PCDHA5: variants seen among roughly 807,000 people sequenced by gnomAD.
PCDHA5 encodes protocadherin alpha 5.
Under a neutral mutation model 61.6 loss-of-function variants are expected in PCDHA5, and 43 were observed. The ratio of observed to expected loss-of-function variants is 0.70; its 90% CI spans 0.55 to 0.90. The LOEUF (loss-of-function observed/expected upper bound fraction) is 0.90. Ranked by LOEUF, PCDHA5 falls within the 40% of genes least tolerant of loss-of-function variation. The probability of loss-of-function intolerance (pLI) is 0.00; values close to 1 mark genes in which losing one functional copy is unlikely to be tolerated. For missense variants in PCDHA5, 1,298 were observed against 1,222.7 expected (o/e 1.06, Z -0.92); for synonymous variants, 627 against 543.9 (o/e 1.15, Z -2.13).
At chr5:140,997,472 C>CACA (rs1386540010) in intron 3 of PCDHA5, among the ~76,000 whole-genome samples, 12 of 152,120 alleles carry the variant, frequency 7.9e-5, no homozygotes, top group Non-Finnish European at 1.8e-4. Context: ...GCAATTTTTA[C>CACA]ACAATGATAA....
Position 140,927,170 on chromosome 5 carries a change from G to A in PCDHA5, c.2353-51779G>A, listed in dbSNP as rs370656989. The A allele has an allele frequency of 2.6e-5, 42 of 1,614,048 alleles. No individual in the cohort carries two copies. The highest frequency in any genetic ancestry group is 3.5e-5 in the Non-Finnish European group (41 of 1,180,042). On this transcript the variant is annotated intron_variant, in intron 1 of 3. Coordinates refer to ENST00000529859, the MANE Select transcript of PCDHA5 (RefSeq NM_018908.3). Reference sequence around the variant, plus strand: ...CAGCTGTGCAGGGCCAAAGCTGCCTGCGTCTTGACCTACGACCTGGTGCTC... The same window carrying A: ...CAGCTGTGCAGGGCCAAAGCTGCCTACGTCTTGACCTACGACCTGGTGCTC...
At chr5:140,834,594 C>T (rs1383001934) in intron 1 of PCDHA5, 10 of 1,613,990 alleles carry the variant, frequency 6.2e-6, no homozygotes, top group African/African-American at 4.0e-5. Flanking sequence ...GTGCAAATTC[C>T]GTGGGGATCT....
At chr5:140,935,264 A>G (rs756476804) in intron 1 of PCDHA5, among the ~76,000 whole-genome samples, 3 of 152,196 alleles carry the variant, frequency 2.0e-5, no homozygotes, top group African/African-American at 7.2e-5. Context: ...TCACATGTTT[A>G]TACTAATCTA....
rs1405025133 is a variant in PCDHA5, at chr5:140,828,918, C to A, written c.2352+4791C>A. The A allele has an allele frequency of 5.6e-6, 9 of 1,614,104 alleles. 1 individual carries two copies. The highest frequency in any genetic ancestry group is 7.6e-6 in the Non-Finnish European group (9 of 1,180,046). On this transcript the variant is annotated intron_variant, in intron 1 of 3. Transcript: ENST00000529859. ...GATCGGGATGAAGGAGCGAATGGGG[C>A]AATTTCATATTCTTTTAATAGCCTT... is the stretch of plus-strand genomic sequence containing the variant.
chr5:140,842,395 T>C, intron 1 of PCDHA5: 1 of 1,611,538 alleles, frequency 6.2e-7, no homozygotes, highest in Non-Finnish European at 8.5e-7. Flanking sequence ...TATCCTTGCC[T>C]GTACGTGAAG....
chr5:140,826,828 A>T lies in PCDHA5; in HGVS notation c.2352+2701A>T, dbSNP rs190779295. Among the ~76,000 whole-genome samples the T allele has an allele frequency of 4.9e-4, 75 of 152,292 alleles. No individual in the cohort carries two copies. In the South Asian group the frequency reaches 0.012, roughly 25 times the overall value. The stretch of plus-strand genomic sequence containing the variant: ...ACATGTGATTACATATTAGGTTACT[A>T]GAAGTTTCTCAAGTGTCTTGCAATT... On this transcript the variant is annotated intron_variant, in intron 1 of 3. Coordinates refer to ENST00000529859, the MANE Select transcript of PCDHA5 (RefSeq NM_018908.3).
intron 1 of PCDHA5, chr5:140,875,968 T>C (rs1554168125): frequency 2.5e-6 from 4 of 1,614,024 alleles, no homozygotes; most frequent in Non-Finnish European, 3.4e-6. Flanking sequence ...CGGCGTAAAC[T>C]CTCTTTTGAC....
chr5:140,843,528 A>G (rs2150362110), intron 1 of PCDHA5: 1 of 1,596,000 alleles, frequency 6.3e-7, no homozygotes, highest in Non-Finnish European at 8.6e-7. Context: ...CGGGCGGGCA[A>G]GCCCACTCTG....
chr5:140,871,461 A>G, intron 1 of PCDHA5: 1 of 1,605,278 alleles, frequency 6.2e-7, no homozygotes, highest in Non-Finnish European at 8.5e-7. Context: ...AGGAAGGGGA[A>G]AGACAGGAGC....
At chr5:140,983,822 T>C (rs1453990514) in intron 3 of PCDHA5, among the ~76,000 whole-genome samples, 2 of 152,216 alleles carry the variant, frequency 1.3e-5, no homozygotes, top group Non-Finnish European at 2.9e-5. Flanking sequence ...TTCCCAAAAA[T>C]AATCAGATGC....
intron 1 of PCDHA5, chr5:140,841,306 G>A (rs2150313155): frequency 3.8e-6 from 6 of 1,579,894 alleles, no homozygotes; most frequent in South Asian, 3.5e-5. Context: ...TTTCTGATAG[G>A]AAACGACTAT....
At chr5:140,926,554 G>A (rs2083344574) in intron 1 of PCDHA5, 1 of 237,224 alleles carries the variant, frequency 4.2e-6, no homozygotes, top group Non-Finnish European at 8.0e-6. Context: ...CGAGACCCCA[G>A]CCCGCTGCTA....
At chr5:140,991,792 T>A (rs541458701) in intron 3 of PCDHA5, among the ~76,000 whole-genome samples, 4 of 152,282 alleles carry the variant, frequency 2.6e-5, no homozygotes, top group Non-Finnish European at 5.9e-5. Context: ...CATTTCCCAA[T>A]CTCAAGGCCA....
intron 1 of PCDHA5, among the ~76,000 whole-genome samples, chr5:140,973,515 T>G (rs1008643152): frequency 1.4e-4 from 21 of 152,232 alleles, no homozygotes; most frequent in African/African-American, 4.8e-4. Flanking sequence ...AAAAGTTTAT[T>G]TTCTTTGGTC....
intron 3 of PCDHA5, among the ~76,000 whole-genome samples, chr5:141,001,813 G>A (rs782384459): frequency 2.6e-5 from 4 of 152,172 alleles, no homozygotes; most frequent in Non-Finnish European, 4.4e-5. Flanking sequence ...TCTACAATCG[G>A]CCAAATTCTG....
At chr5:140,920,412 ACAGCTGTTCTC>A (rs1294144005) in intron 1 of PCDHA5, among the ~76,000 whole-genome samples, 2 of 152,146 alleles carry the variant, frequency 1.3e-5, no homozygotes, top group African/African-American at 4.8e-5. Context: ...TTAATCAGAT[ACAGCTGTTCTC>A]CCACACACCT....
At chr5:140,828,910 G>T (rs2150160654) in intron 1 of PCDHA5, 1 of 1,613,410 alleles carries the variant, frequency 6.2e-7, no homozygotes, top group African/African-American at 1.3e-5. Context: ...ATGAAGGAGC[G>T]AATGGGGCAA....
chr5:140,930,321 T>C (rs1166503889), intron 1 of PCDHA5: 7 of 152,186 alleles, frequency 4.6e-5, no homozygotes, highest in Non-Finnish European at 1.0e-4. Flanking sequence ...TTGAGAGTAA[T>C]GTATCTAATG....
intron 1 of PCDHA5, among the ~76,000 whole-genome samples, chr5:140,896,597 G>A (rs577303751): frequency 1.3e-5 from 2 of 151,484 alleles, no homozygotes; most frequent in African/African-American, 4.8e-5. Flanking sequence ...GGCTGGTCTC[G>A]AACTCCTGGT....
Sources: gnomAD v4.1 joint callset for allele counts (sites outside exome capture counted in the v4.1 genomes callset) on GRCh38, gnomAD v4.1.1 for gene constraint, MANE v1.5 for transcripts, NCBI Gene and HGNC (gene_info 2026-07-23, HGNC 2026-07-21) for gene names.